GNG4: variants seen among roughly 807,000 people sequenced by gnomAD.
GNG4 encodes G protein subunit gamma 4, also known as guanine nucleotide-binding protein G(I)/G(S)/G(O) subunit gamma-4.
A neutral mutation model predicts 5.8 loss-of-function variants in GNG4; 4 were observed. The observed-to-expected ratio is 0.69, with a 90% CI of 0.34 to 1.57. GNG4 has a LOEUF of 1.57. GNG4 is among the 40% of genes most tolerant of loss of function. The probability of loss-of-function intolerance (pLI) is 0.06; values close to 1 mark genes in which losing one functional copy is unlikely to be tolerated. For synonymous variants in GNG4, 29 were observed against 32.9 expected (o/e 0.88, Z 0.41); for missense variants, 96 against 95.1 (o/e 1.01, Z -0.04).
At chr1:235,564,663 AT>A (rs893053197) in intron 3 of GNG4, among the ~76,000 whole-genome samples, 3 of 152,150 alleles carry the variant, frequency 2.0e-5, no homozygotes, top group African/African-American at 7.2e-5. Context: ...TAAAAATTAC[AT>A]TTTTTTAAGA....
At chr1:235,610,689 T>TATTC (rs1216105853) in intron 1 of GNG4, among the ~76,000 whole-genome samples, 3 of 152,216 alleles carry the variant, frequency 2.0e-5, no homozygotes, top group Admixed American at 2.0e-4. Context: ...TACCATTGCC[T>TATTC]ATTCAAGGTG....
At chr1:235,572,155 T>C (rs1220134816) in intron 3 of GNG4, among the ~76,000 whole-genome samples, 3 of 147,734 alleles carry the variant, frequency 2.0e-5, no homozygotes, top group African/African-American at 7.7e-5. Context: ...TGTCACACAA[T>C]GGTAAGTATC....
rs1352916331 is a variant in GNG4 at position 235,551,508 on chromosome 1, A to T, written c.*601T>A. On this transcript the variant is annotated 3_prime_UTR_variant, in exon 4 of 4. Coordinates refer to ENST00000391854, the MANE Select transcript of GNG4 (RefSeq NM_001098722.2). ...CAGTGAGCTGAGGTCACGCCATTGC[A>T]CTCCAGCCTGGGTGACAGAGCGAGA... 1 of 152,592 alleles carries T rather than the reference A, an allele frequency of 6.6e-6. No individual in the cohort carries two copies. Among genetic ancestry groups the T allele is most frequent in the Non-Finnish European group, 1.5e-5 (1 of 68,472 alleles). 9.5% of individuals were successfully genotyped at this position (152,592 alleles called of 1,614,324 possible).
At chr1:235,605,669 A>C (rs1170709132) in intron 1 of GNG4, among the ~76,000 whole-genome samples, 2 of 152,144 alleles carry the variant, frequency 1.3e-5, no homozygotes, top group African/African-American at 4.8e-5. Context: ...CCCACTAGGC[A>C]CTGTGATCAG....
At chr1:235,604,590 C>T (rs1280655043) in intron 1 of GNG4, among the ~76,000 whole-genome samples, 1 of 152,212 alleles carries the variant, frequency 6.6e-6, no homozygotes, top group Non-Finnish European at 1.5e-5. Flanking sequence ...ACTCCAATCT[C>T]TGCCCCCATC....
Position 235,570,923 on chromosome 1 carries a change from T to TACACATAC in GNG4, c.99+12816_99+12817insGTATGTGT, listed in dbSNP as rs374579255. Among the ~76,000 whole-genome samples the TACACATAC allele has an allele frequency of 1.7e-3, 169 of 97,348 alleles. 1 individual carries two copies. Among genetic ancestry groups the TACACATAC allele is most frequent in the African/African-American group, 6.3e-3 (160 of 25,352 alleles). 63.9% of individuals were successfully genotyped at this position (97,348 alleles called of 152,430 possible). A position where few individuals can be genotyped will look rare whatever the true frequency, so the allele number is the denominator to read the frequency against. On this transcript the variant is annotated intron_variant, in intron 3 of 3. Transcript: ENST00000391854. ...GTGTGTGTGTGTATACATATATATA[T>TACACATAC]ACACACACACACACACACACACATA... is the stretch of plus-strand genomic sequence containing the variant.
intron 1 of GNG4, among the ~76,000 whole-genome samples, chr1:235,629,766 AT>A (rs946671715): frequency 6.6e-6 from 1 of 151,606 alleles, no homozygotes; most frequent in Non-Finnish European, 1.5e-5. Flanking sequence ...TAAGTTTTGT[AT>A]TTTTAGTAAA....
At position 235,642,654 on chromosome 1, in the gene GNG4, C is replaced by T. The variant is rs1397202704; in HGVS notation, c.-123+7008G>A. 1.3e-5 allele frequency among the ~76,000 whole-genome samples: 2 copies of T among 152,052 alleles called. No homozygotes were observed. Among genetic ancestry groups the T allele is most frequent in the African/African-American group, 4.8e-5 (2 of 41,390 alleles). ...TTGGGAGGGTCTCTTTTAAGGGAAT[C>T]CTATGCATGAAAGTCTGTGTAAGAA... On this transcript the variant is annotated intron_variant, in intron 1 of 3. Transcript: ENST00000391854. This position sits in a 1 kb window ranked among gnomAD's most constrained non-coding sequence, Gnocchi z 4.3.
rs1364922774 is a variant in GNG4 at position 235,590,136 on chromosome 1, C to T, written c.-11+5264G>A. 2.6e-5 allele frequency among the ~76,000 whole-genome samples: 4 copies of T among 152,214 alleles called. No individual in the cohort carries two copies. The East Asian group carries it at 7.7e-4, about 29-fold the overall frequency. ...CAACAACATCAACAGTCTTCCCTCCCTGCAATCTTCTGCATTCTTGCTTAA... is the reference window on the plus strand; with the variant it reads ...CAACAACATCAACAGTCTTCCCTCCTTGCAATCTTCTGCATTCTTGCTTAA... On this transcript the variant is annotated intron_variant, in intron 2 of 3. Coordinates refer to ENST00000391854, the MANE Select transcript of GNG4 (RefSeq NM_001098722.2).
rs533853180 is a variant in GNG4 at position 235,600,100 on chromosome 1, CTTTTTTTTTTTTT to C, written c.-122-4602_-122-4590del. On this transcript the variant is annotated intron_variant, in intron 1 of 3. Transcript: ENST00000391854. ...TCCTTTATCTGGTTGCGGAAGAAAG[CTTTTTTTTTTTTT>C]TTTTTTTTTTTTTTTTAGACAGGCA... Among the ~76,000 whole-genome samples, 29 of 43,138 alleles carry C rather than the reference CTTTTTTTTTTTTT, an allele frequency of 6.7e-4. 3 individuals carry two copies. The highest frequency in any genetic ancestry group is 1.4e-3 in the African/African-American group (14 of 9,718). 28.3% of individuals were successfully genotyped at this position (43,138 alleles called of 152,430 possible). A position where few individuals can be genotyped will look rare whatever the true frequency, so the allele number is the denominator to read the frequency against.
intron 1 of GNG4, among the ~76,000 whole-genome samples, chr1:235,618,507 T>A (rs10754706): frequency 0.54 from 82,118 of 151,774 alleles, 23,472 homozygotes; most frequent in East Asian, 0.78. Context: ...ATAACATGAG[T>A]TTCTTTAGCC....
chr1:235,562,738 G>T (rs973277776), intron 3 of GNG4, among the ~76,000 whole-genome samples: 1 of 149,872 alleles, frequency 6.7e-6, no homozygotes, highest in African/African-American at 2.5e-5. Flanking sequence ...TACAGATCAA[G>T]TTGGGAAAAA....
At chr1:235,592,682 G>C (rs1688000662) in intron 2 of GNG4, among the ~76,000 whole-genome samples, 1 of 152,162 alleles carries the variant, frequency 6.6e-6, no homozygotes, top group African/African-American at 2.4e-5. Flanking sequence ...CTGGCTTGAA[G>C]ATAGCCGCCC....
intron 2 of GNG4, among the ~76,000 whole-genome samples, chr1:235,584,912 C>T (rs970244932): frequency 2.6e-5 from 4 of 152,122 alleles, no homozygotes; most frequent in African/African-American, 9.7e-5. Context: ...AACTGTTGGA[C>T]TTTATTGTAT....
chr1:235,596,867 C>T (rs558767500), intron 1 of GNG4, among the ~76,000 whole-genome samples: 85 of 151,954 alleles, frequency 5.6e-4, no homozygotes, highest in African/African-American at 1.7e-3. Context: ...GGACTACAGG[C>T]GTCCACTACC....
chr1:235,649,910 G>A (rs1403215230), upstream of GNG4: 1 of 149,626 alleles, frequency 6.7e-6, no homozygotes, highest in African/African-American at 2.4e-5. This position sits in a 1 kb window ranked among gnomAD's most constrained non-coding sequence, Gnocchi z 5.7. Flanking sequence ...GGCCCTGGAC[G>A]CTGGGGGCTT....
chr1:235,555,925 T>C (rs1286478194), intron 3 of GNG4, among the ~76,000 whole-genome samples: 1 of 152,002 alleles, frequency 6.6e-6, no homozygotes, highest in Non-Finnish European at 1.5e-5. Context: ...TGGAGTGCAG[T>C]AGGGCGATCT....
At chr1:235,605,422 G>A (rs113195158) in intron 1 of GNG4, among the ~76,000 whole-genome samples, 37,225 of 151,950 alleles carry the variant, frequency 0.24, 5,190 homozygotes, top group South Asian at 0.32. Flanking sequence ...TGGTCCGCCC[G>A]CCTTGGCCTC....
chr1:235,590,892 G>A (rs1161482788), intron 2 of GNG4, among the ~76,000 whole-genome samples: 1 of 152,110 alleles, frequency 6.6e-6, no homozygotes, highest in African/African-American at 2.4e-5. Context: ...TGTACCTTAG[G>A]GGCTGTCTCA....
Sources: allele counts gnomAD v4.1 joint callset (sites outside exome capture counted in the v4.1 genomes callset), GRCh38; gene constraint gnomAD v4.1.1; non-coding constraint Gnocchi (gnomAD v3.1); transcripts MANE v1.5; gene names NCBI Gene and HGNC (gene_info 2026-07-23, HGNC 2026-07-21).